ZSWIM6: variants seen among roughly 807,000 people sequenced by gnomAD.
ZSWIM6 encodes the protein zinc finger SWIM-type containing 6, also known as zinc finger SWIM domain-containing protein 6.
In ZSWIM6, 9 loss-of-function variants were observed where a neutral mutation model predicts 113.2. The observed-to-expected ratio is 0.08, with a 90% confidence interval of 0.05 to 0.14. ZSWIM6 has a LOEUF of 0.14. Ranked by LOEUF, ZSWIM6 falls within the 10% of genes least tolerant of loss-of-function variation. The pLI, the probability that ZSWIM6 is intolerant of heterozygous loss-of-function variation, is 1.00. For missense variants in ZSWIM6, 1,162 were observed against 1,552.2 expected (o/e 0.75, Z 4.22); for synonymous variants, 611 against 606.5 (o/e 1.01, Z -0.11).
chr5:61,433,253 A>G lies in ZSWIM6; in HGVS notation c.677-39428A>G, dbSNP rs149623727. On this transcript the variant is annotated intron_variant, in intron 1 of 13. Transcript: ENST00000252744. Reference sequence around the variant, plus strand: ...TTTCTATATTAATTTATATTTGGGGATTAGGTTTGTTTCTTAGGAGAAAAG... The same window carrying G: ...TTTCTATATTAATTTATATTTGGGGGTTAGGTTTGTTTCTTAGGAGAAAAG... Among the ~76,000 whole-genome samples the G allele has an allele frequency of 5.3e-5, 8 of 152,072 alleles. No homozygotes were observed. The East Asian group carries it at 7.7e-4, about 15-fold the overall frequency.
chr5:61,399,493 C>T (rs1173105772), intron 1 of ZSWIM6, among the ~76,000 whole-genome samples: 3 of 152,088 alleles, frequency 2.0e-5, no homozygotes, highest in Non-Finnish European at 4.4e-5. Context: ...TCAACACCTA[C>T]TGAGTTGGAC....
At chr5:61,401,388 T>C (rs536971804) in intron 1 of ZSWIM6, among the ~76,000 whole-genome samples, 1 of 152,330 alleles carries the variant, frequency 6.6e-6, no homozygotes, top group South Asian at 2.1e-4. Context: ...AGGTAAAGTT[T>C]AAAAAGCAAT....
chr5:61,415,677 A>G (rs1023223062), intron 1 of ZSWIM6, among the ~76,000 whole-genome samples: 1 of 152,016 alleles, frequency 6.6e-6, no homozygotes, highest in Admixed American at 6.6e-5. Context: ...GATTGGCCAT[A>G]TAAAGGTTCT....
Position 61,332,360 on chromosome 5 carries a change from G to A in ZSWIM6, c.88G>A (p.Gly30Ser), listed in dbSNP as rs1744268987. The stretch of plus-strand genomic sequence containing the variant: ...CGGCGGCGGCGGGGGCAGCAGCGGC[G>A]GCGGCGGCGGCGCGGGTGGCGGCTA... Reference protein sequence around the residue: ...GGGGGGGSSGGGGGAGGGYSS... With the variant: ...GGGGGGGSSGSGGGAGGGYSS... Residue 30 changes from glycine to serine, a missense_variant, in exon 1 of 14, where the codon GGC becomes AGC. Gly to Ser is a moderately conservative substitution (Grantham distance 56). Transcript: ENST00000252744. The A allele has an allele frequency of 2.0e-6, 2 of 981,994 alleles. No individual in the cohort carries two copies. The highest frequency in any genetic ancestry group is 2.4e-6 in the Non-Finnish European group (2 of 818,078). The allele number at this position is 981,994 out of a possible 1,614,324, so 60.8% of individuals were successfully genotyped here. A position where few individuals can be genotyped will look rare whatever the true frequency, so the allele number is the denominator to read the frequency against.
chr5:61,345,640 C>G (rs1744642583), intron 1 of ZSWIM6, among the ~76,000 whole-genome samples: 1 of 152,146 alleles, frequency 6.6e-6, no homozygotes, highest in Admixed American at 6.5e-5. Context: ...AATGGAAACG[C>G]TGATGATTAT....
intron 1 of ZSWIM6, among the ~76,000 whole-genome samples, chr5:61,342,062 T>C (rs1351834360): frequency 1.3e-5 from 2 of 151,934 alleles, no homozygotes; most frequent in African/African-American, 4.8e-5. Context: ...GTATTTTTAG[T>C]AGGGTTGGGG....
At chr5:61,425,760 CAG>C (rs1255928287) in intron 1 of ZSWIM6, among the ~76,000 whole-genome samples, 40 of 152,144 alleles carry the variant, frequency 2.6e-4, no homozygotes, top group Non-Finnish European at 4.4e-4. Flanking sequence ...GCAGAGGGAA[CAG>C]AATGTGCAAA....
chr5:61,525,049 G>A (rs1749240371), intron 5 of ZSWIM6, among the ~76,000 whole-genome samples: 1 of 152,108 alleles, frequency 6.6e-6, no homozygotes, highest in African/African-American at 2.4e-5. Context: ...GGAGTGTATG[G>A]CTCTGCTCTT....
chr5:61,455,392 C>CAT (rs967217899), intron 1 of ZSWIM6, among the ~76,000 whole-genome samples: 1 of 152,092 alleles, frequency 6.6e-6, no homozygotes, highest in Admixed American at 6.5e-5. Context: ...CAAAATTCAC[C>CAT]AATATCCCCG....
intron 1 of ZSWIM6, among the ~76,000 whole-genome samples, chr5:61,451,915 C>A (rs1222838775): frequency 1.3e-5 from 2 of 151,984 alleles, no homozygotes; most frequent in Non-Finnish European, 2.9e-5. Flanking sequence ...TTAGTAGTTA[C>A]AAATATATAT....
chr5:61,415,368 G>A (rs372917869), intron 1 of ZSWIM6, among the ~76,000 whole-genome samples: 10 of 152,064 alleles, frequency 6.6e-5, no homozygotes, highest in Non-Finnish European at 1.0e-4. Flanking sequence ...CGAGGTGGGC[G>A]GATCACCTGA....
intron 1 of ZSWIM6, among the ~76,000 whole-genome samples, chr5:61,454,215 A>ATTTTG (rs1388746152): frequency 3.3e-4 from 1 of 3,038 alleles, no homozygotes; most frequent in African/African-American, 7.4e-4. Flanking sequence ...AGTTCCCTAA[A>ATTTTG]TTTTATTTTA....
In ZSWIM6 at chr5:61,472,604, C is replaced by A; in HGVS notation, c.677-77C>A. The A allele has an allele frequency of 8.4e-7, 1 of 1,183,458 alleles. No individual in the cohort carries two copies. The highest frequency in any genetic ancestry group is 1.1e-6 in the Non-Finnish European group (1 of 872,080). The allele number at this position is 1,183,458 out of a possible 1,614,324, so 73.3% of individuals were successfully genotyped here. On this transcript the variant is annotated intron_variant, in intron 1 of 13. Coordinates refer to ENST00000252744, the MANE Select transcript of ZSWIM6 (RefSeq NM_020928.2). The surrounding 1 kb of genome is among the most constrained non-coding windows in gnomAD (Gnocchi z 4.1). ...TTTCTTGCTGCTGTCAAGTCCCACA[C>A]ATTTCAAAGAATTAGAGCATTTCAT...
intron 10 of ZSWIM6, 80 bp downstream of exon 10, chr5:61,535,699 C>T: frequency 1.3e-6 from 2 of 1,496,608 alleles, no homozygotes; most frequent in East Asian, 2.5e-5. Flanking sequence ...CTTACTCCTT[C>T]ATGTTTCTTA....
intron 1 of ZSWIM6, chr5:61,375,065 C>A (rs201906798): frequency 9.0e-5 from 139 of 1,552,198 alleles, no homozygotes; most frequent in Admixed American, 5.0e-5. Context: ...GTAAGTCTCT[C>A]CGGCCCGGTT....
At chr5:61,496,995 GCT>G (rs1748334891) in intron 4 of ZSWIM6, among the ~76,000 whole-genome samples, 1 of 151,796 alleles carries the variant, frequency 6.6e-6, no homozygotes, top group Admixed American at 6.6e-5. Context: ...AAGTGGGGCC[GCT>G]CTGTGACAGC....
At chr5:61,477,360 A>G (rs1195608927) in intron 2 of ZSWIM6, among the ~76,000 whole-genome samples, 2 of 152,162 alleles carry the variant, frequency 1.3e-5, no homozygotes, top group Non-Finnish European at 2.9e-5. Flanking sequence ...CAGCTAGCCA[A>G]ATGTAGAAGG....
intron 2 of ZSWIM6, among the ~76,000 whole-genome samples, chr5:61,484,267 T>C (rs541378717): frequency 6.6e-6 from 1 of 152,318 alleles, no homozygotes; most frequent in East Asian, 1.9e-4. Context: ...CAGATCTCCT[T>C]GTGGATTTTG....
intron 1 of ZSWIM6, among the ~76,000 whole-genome samples, chr5:61,341,103 G>T (rs1377647026): frequency 6.6e-6 from 1 of 152,188 alleles, no homozygotes; most frequent in Non-Finnish European, 1.5e-5. Flanking sequence ...TGCATGGTCG[G>T]CCTGTGTCTA....
Sources: allele counts gnomAD v4.1 joint callset (sites outside exome capture counted in the v4.1 genomes callset), GRCh38; gene constraint gnomAD v4.1.1; non-coding constraint Gnocchi (gnomAD v3.1); transcripts MANE v1.5; gene names NCBI Gene and HGNC (gene_info 2026-07-23, HGNC 2026-07-21).